Variants in PSIP1 observed in about 807,000 individuals in gnomAD.
The protein encoded by PSIP1 is PC4 and SRSF1 interacting protein 1.
A neutral mutation model predicts 74.7 loss-of-function variants in PSIP1; 19 were observed. The observed-to-expected ratio is 0.25, with a 90% confidence interval of 0.18 to 0.37. The LOEUF (loss-of-function observed/expected upper bound fraction) is 0.37, where lower values mean the gene tolerates loss of function less well. PSIP1 is among the 10% of genes least tolerant of loss of function. The pLI is 1.00. For missense variants in PSIP1, 601 were observed against 614.3 expected (o/e 0.98, Z 0.23); for synonymous variants, 222 against 195.3 (o/e 1.14, Z -1.14).
At chr9:15,506,958 A>G (rs951722339) in intron 2 of PSIP1, among the ~76,000 whole-genome samples, 1 of 152,240 alleles carries the variant, frequency 6.6e-6, no homozygotes, top group African/African-American at 2.4e-5. Context: ...AATATATGGC[A>G]TATGTACTCT....
chr9:15,508,220 GTCACCTT>G (rs1257211752), intron 2 of PSIP1, among the ~76,000 whole-genome samples: 1 of 152,204 alleles, frequency 6.6e-6, no homozygotes, highest in African/African-American at 2.4e-5. Context: ...AACAAGAGGT[GTCACCTT>G]TACGGCTCAG....
intron 3 of PSIP1, among the ~76,000 whole-genome samples, chr9:15,491,381 G>A (rs1438408936): frequency 6.6e-6 from 1 of 152,174 alleles, no homozygotes; most frequent in East Asian, 1.9e-4. Flanking sequence ...TACAACCTCA[G>A]CTAAGAATGT....
At chr9:15,482,149 CATGGG>C (rs1372715822) in intron 6 of PSIP1, among the ~76,000 whole-genome samples, 1 of 152,108 alleles carries the variant, frequency 6.6e-6, no homozygotes, top group Non-Finnish European at 1.5e-5. Context: ...ACAAAAACCT[CATGGG>C]ATTACTATTC....
intron 4 of PSIP1, among the ~76,000 whole-genome samples, chr9:15,487,375 A>C (rs931697593): frequency 7.2e-5 from 11 of 152,050 alleles, no homozygotes; most frequent in Non-Finnish European, 1.2e-4. Context: ...CAGGCAGATC[A>C]CTTGAAGTCG....
At chr9:15,498,319 A>C (rs887389984) in intron 3 of PSIP1, among the ~76,000 whole-genome samples, 1 of 152,100 alleles carries the variant, frequency 6.6e-6, no homozygotes, top group Non-Finnish European at 1.5e-5. Context: ...GGAAGCCTGA[A>C]GCAGGAGAAT....
At chr9:15,488,811 G>A (rs1044697069) in intron 4 of PSIP1, among the ~76,000 whole-genome samples, 5 of 151,856 alleles carry the variant, frequency 3.3e-5, no homozygotes, top group East Asian at 1.9e-4. Flanking sequence ...CACAAGGTCA[G>A]GAGATCGAGA....
intron 3 of PSIP1, 49 bp from the exon 4 acceptor site, chr9:15,490,173 TA>T (rs761595903): frequency 6.8e-7 from 1 of 1,473,894 alleles, no homozygotes; most frequent in East Asian, 2.4e-5. Context: ...CTCAAATACA[TA>T]ATTTATTAGA....
rs1333444272 is a variant in PSIP1, at chr9:15,469,031, C to G, written c.1132G>C (p.Asp378His). ...LDVNRCIEALDELASLQVTMQ... is the reference protein window; with the variant it reads ...LDVNRCIEALHELASLQVTMQ... The stretch of plus-strand genomic sequence containing the variant: ...GTGACCTGAAGTGAAGCAAGTTCAT[C>G]CAAGGCCTCAATGCATCTGTTCACA... The change falls in exon 13 of 16, where the codon GAT (aspartate) becomes CAT (histidine). Residue 378 changes from aspartate (D) to histidine (H), a missense_variant. Asp to His is a moderately conservative substitution (Grantham distance 81, BLOSUM62 -1). This residue lies in a region of PSIP1 where 538 missense variants were observed against 507.6 expected (regional missense o/e 1.06). Transcript: ENST00000380733. 6.2e-7 allele frequency: 1 copy of G among 1,613,818 alleles called. No individual in the cohort carries two copies.
At chr9:15,488,102 G>A (rs1164543622) in intron 4 of PSIP1, among the ~76,000 whole-genome samples, 2 of 152,124 alleles carry the variant, frequency 1.3e-5, no homozygotes, top group South Asian at 2.1e-4. Flanking sequence ...AGGCTGAGGT[G>A]GGTGGATCAC....
chr9:15,484,584 G>A (rs1368514241), intron 6 of PSIP1, among the ~76,000 whole-genome samples: 2 of 152,080 alleles, frequency 1.3e-5, no homozygotes, highest in African/African-American at 4.8e-5. Flanking sequence ...AAAATTAGGT[G>A]TGCATGGTGG....
In PSIP1 at chr9:15,497,474, GT is replaced by G. The variant is rs566532208; in HGVS notation, c.150-7351del. Among the ~76,000 whole-genome samples the G allele has an allele frequency of 3.7e-4, 56 of 152,108 alleles. 1 individual carries two copies. In the East Asian group the frequency reaches 0.01, roughly 28 times the overall value. On this transcript the variant is annotated intron_variant, in intron 3 of 15. Transcript: ENST00000380733. ...CCCAAGTAGCTGGAATTACAGGCAT[GT>G]GCAACCACGCCTGGCTACTTTTTAT... is the stretch of plus-strand genomic sequence containing the variant.
Position 15,486,075 on chromosome 9 carries a change from A to C in PSIP1, c.394-7T>G, listed in dbSNP as rs771980118. On this transcript the variant is annotated splice_polypyrimidine_tract_variant and splice_region_variant and intron_variant, in intron 5 of 15. Coordinates refer to ENST00000380733, the MANE Select transcript of PSIP1 (RefSeq NM_033222.5). ...CAACTGCTTTAGTCACATCCTAAAA[A>C]AGAAAAAAGAAAACTGAATACTGAA... The C allele has an allele frequency of 1.2e-4, 187 of 1,582,292 alleles. No individual in the cohort carries two copies. Among genetic ancestry groups the C allele is most frequent in the Non-Finnish European group, 1.5e-4 (178 of 1,159,030 alleles).
chr9:15,469,445 G>T, intron 11 of PSIP1, 109 bp from the exon 12 acceptor site: 1 of 644,130 alleles, frequency 1.6e-6, no homozygotes, highest in Non-Finnish European at 2.6e-6. Flanking sequence ...AATGTTCTTA[G>T]TAATCTTTAC....
At chr9:15,468,458 A>G (rs2035721144) in intron 14 of PSIP1, 172 bp downstream of exon 14, 3 of 800,110 alleles carry the variant, frequency 3.7e-6, no homozygotes, top group African/African-American at 1.7e-5. Context: ...TTTGTTCTCA[A>G]TGCACACTGC....
intron 8 of PSIP1, among the ~76,000 whole-genome samples, chr9:15,476,037 G>A (rs2036061015): frequency 6.6e-6 from 1 of 152,134 alleles, no homozygotes; most frequent in South Asian, 2.1e-4. Context: ...CAAAGAAGTA[G>A]ACGCTAAGAG....
intron 4 of PSIP1, among the ~76,000 whole-genome samples, chr9:15,487,489 G>A (rs1359705848): frequency 6.6e-6 from 1 of 151,996 alleles, no homozygotes; most frequent in Non-Finnish European, 1.5e-5. Context: ...CAGCTACTCG[G>A]GAGGCTGAGG....
intron 10 of PSIP1, chr9:15,471,930 G>GA (rs1235758470): frequency 1.0e-6 from 1 of 980,172 alleles, no homozygotes; most frequent in African/African-American, 1.7e-5. Flanking sequence ...GCATGTCAGA[G>GA]AAAGAACTCA....
rs980834852 is a variant in PSIP1, at chr9:15,471,789, A to T, written c.977+843T>A. The T allele has an allele frequency of 3.2e-6, 3 of 946,158 alleles. No homozygotes were observed. In the African/African-American group the frequency reaches 5.3e-5, roughly 17 times the overall value. The allele number at this position is 946,158 out of a possible 1,614,324, so 58.6% of individuals were successfully genotyped here. On this transcript the variant is annotated intron_variant, in intron 10 of 15. Transcript: ENST00000380733. ...AAGAAAAAAAGTACAAAATTGTTCA[A>T]GAATTGTTTTACTGCTCATCATTAA...
intron 3 of PSIP1, chr9:15,492,034 G>C (rs1239814696): frequency 6.6e-6 from 1 of 152,178 alleles, no homozygotes; most frequent in Non-Finnish European, 1.5e-5. Context: ...GATTTGTGAG[G>C]GGACACAGAG....
Sources: gnomAD v4.1 joint callset for allele counts (sites outside exome capture counted in the v4.1 genomes callset) on GRCh38, gnomAD v4.1.1 for gene constraint, gnomAD v4.1.1 regional missense constraint, MANE v1.5 for transcripts, NCBI Gene and HGNC (gene_info 2026-07-23, HGNC 2026-07-21) for gene names.